The following VGLL3 variants were observed in gnomAD, a reference collection of about 807,000 sequenced individuals.
The protein encoded by VGLL3 is transcription cofactor vestigial-like protein 3.
In VGLL3, 18 loss-of-function variants were observed where a neutral mutation model predicts 29.2. The ratio of observed to expected loss-of-function variants is 0.62; its 90% CI spans 0.43 to 0.91. The LOEUF is 0.91. Among genes scored for constraint, VGLL3 ranks in the 40% least tolerant of loss-of-function variants. The pLI is 0.00. For synonymous variants in VGLL3, 180 were observed against 151.8 expected, an observed-to-expected ratio of 1.19 and a Z score of -1.36; for missense variants, 440 against 413.2, an observed-to-expected ratio of 1.06 and a Z score of -0.56.
chr3:86,986,546 G>T (rs1705445383), intron 1 of VGLL3, among the ~76,000 whole-genome samples: 6 of 152,096 alleles, frequency 3.9e-5, no homozygotes, highest in Admixed American at 3.9e-4. Context: ...AGTTATAGGG[G>T]CTGTTCTTTC....
intron 1 of VGLL3, among the ~76,000 whole-genome samples, chr3:86,987,930 CAGG>C (rs756470952): frequency 3.3e-5 from 5 of 152,170 alleles, no homozygotes; most frequent in South Asian, 2.1e-4. Flanking sequence ...TATCGGAAAA[CAGG>C]TGAGAGTACA....
chr3:86,990,308 A>G (rs1705552031), intron 1 of VGLL3: 1 of 985,374 alleles, frequency 1.0e-6, no homozygotes. Flanking sequence ...ACATGGTCCT[A>G]AGATAGATGC....
rs1705324392 is a variant in VGLL3, at chr3:86,981,556, CA to C, written c.127-2755del. On this transcript the variant is annotated intron_variant, in intron 1 of 3. Coordinates refer to ENST00000398399, the MANE Select transcript of VGLL3 (RefSeq NM_016206.4). Reference sequence around the variant, plus strand: ...ACTGAAATATTCCTTTTTGATATAGCAAATATATATGGTTCTTTAAAATATT... The same window carrying C: ...ACTGAAATATTCCTTTTTGATATAGCAATATATATGGTTCTTTAAAATATT... Among the ~76,000 whole-genome samples the C allele has an allele frequency of 2.0e-5, 3 of 151,636 alleles. No individual in the cohort carries two copies. In the South Asian group the frequency reaches 6.3e-4, roughly 32 times the overall value.
chr3:86,983,983 A>C (rs900072412), intron 1 of VGLL3, among the ~76,000 whole-genome samples: 1 of 152,226 alleles, frequency 6.6e-6, no homozygotes, highest in Non-Finnish European at 1.5e-5. Flanking sequence ...CAGAAAATAG[A>C]CTAAAGAAAA....
rs1000646196 is a variant in VGLL3, at chr3:86,942,391, T to C, written c.*4633A>G. ...TGTCAACATCTGCTTCCAATAAGATTGTTTCTTTTTTTCCTTGAGTAGAGT... is the reference window on the plus strand; with the variant it reads ...TGTCAACATCTGCTTCCAATAAGATCGTTTCTTTTTTTCCTTGAGTAGAGT... On this transcript the variant is annotated 3_prime_UTR_variant, in exon 4 of 4. Transcript: ENST00000398399. The C allele has an allele frequency of 6.6e-6, 1 of 152,176 alleles. No individual in the cohort carries two copies. Among genetic ancestry groups the C allele is most frequent in the Admixed American group, 6.6e-5 (1 of 15,254 alleles). 9.4% of individuals were successfully genotyped at this position (152,176 alleles called of 1,614,324 possible).
At position 86,978,694 on chromosome 3, in the gene VGLL3, C is replaced by T. The variant is rs1705261868; in HGVS notation, c.235G>A (p.Ala79Thr). Residue 79 changes from alanine to threonine, a missense_variant, in exon 2 of 4, where the codon GCC (alanine) becomes ACC (threonine). Coordinates refer to ENST00000398399, the MANE Select transcript of VGLL3 (RefSeq NM_016206.4). ...EEEEEEKDQP[A>T]EMEYLNSRCV... The stretch of plus-strand genomic sequence containing the variant: ...CGAGAGTTAAGGTACTCCATCTCGG[C>T]AGGCTGGTCTTTCTCCTCCTCCTCC... 6.2e-7 allele frequency: 1 copy of T among 1,614,106 alleles called. No homozygotes were observed. Among genetic ancestry groups the T allele is most frequent in the African/African-American group, 1.3e-5 (1 of 75,030 alleles).
chr3:86,989,080 C>T (rs985282037), intron 1 of VGLL3, among the ~76,000 whole-genome samples: 2 of 151,896 alleles, frequency 1.3e-5, no homozygotes, highest in East Asian at 3.9e-4. Context: ...TATTTTCTAG[C>T]TCAAAAAAAA....
At position 86,978,546 on chromosome 3, in the gene VGLL3, C is replaced by T; in HGVS notation, c.383G>A (p.Gly128Glu). 6.2e-7 allele frequency: 1 copy of T among 1,614,136 alleles called. No individual in the cohort carries two copies. The highest frequency in any genetic ancestry group is 8.5e-7 in the Non-Finnish European group (1 of 1,180,010). The part of the protein sequence containing the change: ...PESAISKSKM[G>E]LTPLWRDSSA... Reference sequence around the variant, plus strand: ...CTTACCTCGCCATAGGGGGGTTAGCCCCATCTTGCTTTTTGAAATGGCAGA... The same window carrying T: ...CTTACCTCGCCATAGGGGGGTTAGCTCCATCTTGCTTTTTGAAATGGCAGA... The change falls in exon 2 of 4, where the codon GGG becomes GAG. Residue 128 changes from glycine (G) to glutamate (E), a missense_variant. By Grantham distance (98) the Gly-to-Glu change is moderately conservative. Transcript: ENST00000398399.
chr3:86,985,016 T>G (rs1705407635), intron 1 of VGLL3, among the ~76,000 whole-genome samples: 1 of 152,168 alleles, frequency 6.6e-6, no homozygotes, highest in South Asian at 2.1e-4. Flanking sequence ...GAAAGAAGAT[T>G]TGACCGAAAC....
intron 2 of VGLL3, among the ~76,000 whole-genome samples, chr3:86,978,023 G>C (rs1007824428): frequency 2.1e-4 from 32 of 152,156 alleles, no homozygotes; most frequent in Non-Finnish European, 1.9e-4. Flanking sequence ...AAAATGCCTA[G>C]AGTGTATACT....
chr3:86,943,193 A>G lies in VGLL3; in HGVS notation c.*3831T>C, dbSNP rs1704434948. ...TTTCCATTAATTCATTCTGCTTTCT[A>G]TTTATCCCTCATTCAAAACTCTAAC... is the stretch of plus-strand genomic sequence containing the variant. On this transcript the variant is annotated 3_prime_UTR_variant, in exon 4 of 4. Coordinates refer to ENST00000398399, the MANE Select transcript of VGLL3 (RefSeq NM_016206.4). 9 of 152,086 alleles carry G rather than the reference A, an allele frequency of 5.9e-5. No homozygotes were observed. Among genetic ancestry groups the G allele is most frequent in the Admixed American group, 4.6e-4 (7 of 15,256 alleles). 9.4% of individuals were successfully genotyped at this position (152,086 alleles called of 1,614,324 possible).
At position 86,945,587 on chromosome 3, in the gene VGLL3, T is replaced by G. The variant is rs1704491107; in HGVS notation, c.*1437A>C. ...TGTTACTTTCATAATCTTAATCTTC[T>G]CCTAGCAGTGTCTTAATGATAATTT... is the stretch of plus-strand genomic sequence containing the variant. On this transcript the variant is annotated 3_prime_UTR_variant, in exon 4 of 4. Transcript: ENST00000398399. The G allele has an allele frequency of 1.3e-5, 2 of 152,192 alleles. No individual in the cohort carries two copies. Among genetic ancestry groups the G allele is most frequent in the African/African-American group, 4.8e-5 (2 of 41,464 alleles). 9.4% of individuals were successfully genotyped at this position (152,192 alleles called of 1,614,324 possible). A position where few individuals can be genotyped will look rare whatever the true frequency, so the allele number is the denominator to read the frequency against.
intron 3 of VGLL3, among the ~76,000 whole-genome samples, chr3:86,960,902 C>A (rs911266080): frequency 3.6e-5 from 5 of 140,330 alleles, no homozygotes; most frequent in South Asian, 2.3e-4. Context: ...CATGGACCTG[C>A]GAAATATTAG....
intron 1 of VGLL3, among the ~76,000 whole-genome samples, chr3:86,980,483 G>C (rs1318465449): frequency 6.6e-6 from 1 of 152,024 alleles, no homozygotes; most frequent in Non-Finnish European, 1.5e-5. Flanking sequence ...ATTTGTTGAT[G>C]AATAGATAAT....
At chr3:86,966,876 T>A (rs1704977468) in intron 3 of VGLL3, among the ~76,000 whole-genome samples, 1 of 144,434 alleles carries the variant, frequency 6.9e-6, no homozygotes, top group African/African-American at 2.6e-5. Flanking sequence ...CATTCATAGC[T>A]CTGTAAGTAT....
At chr3:86,982,392 C>T (rs879358671) in intron 1 of VGLL3, among the ~76,000 whole-genome samples, 7 of 151,534 alleles carry the variant, frequency 4.6e-5, no homozygotes, top group Non-Finnish European at 1.0e-4. Context: ...GTGATTTACC[C>T]GCCTCAGCCT....
At chr3:86,961,536 CAT>C (rs1342522495) in intron 3 of VGLL3, among the ~76,000 whole-genome samples, 1 of 152,102 alleles carries the variant, frequency 6.6e-6, no homozygotes, top group African/African-American at 2.4e-5. Context: ...TAAGAGGAGA[CAT>C]ATTCTTGCAT....
intron 1 of VGLL3, among the ~76,000 whole-genome samples, chr3:86,986,500 G>A (rs1284710658): frequency 2.0e-5 from 3 of 152,132 alleles, no homozygotes; most frequent in African/African-American, 2.4e-5. Context: ...TTTAAGTCTC[G>A]AAGTCTCTAC....
chr3:86,968,374 G>C (rs551378195), intron 3 of VGLL3, among the ~76,000 whole-genome samples: 1 of 152,238 alleles, frequency 6.6e-6, no homozygotes, highest in South Asian at 2.1e-4. Flanking sequence ...TAAGATATGA[G>C]AGAAAAGCTC....
Sources: allele counts gnomAD v4.1 joint callset (sites outside exome capture counted in the v4.1 genomes callset), GRCh38; gene constraint gnomAD v4.1.1; transcripts MANE v1.5; gene names NCBI Gene and HGNC (gene_info 2026-07-23, HGNC 2026-07-21).